Variants in NLRC3 observed in about 807,000 individuals in gnomAD.
The protein encoded by NLRC3 is NLR family CARD domain containing 3, also known as NLR family CARD domain-containing protein 3.
In NLRC3, 87 loss-of-function variants were observed where a neutral mutation model predicts 91.6. The ratio of observed to expected loss-of-function variants is 0.95; its 90% CI spans 0.80 to 1.14. The LOEUF (loss-of-function observed/expected upper bound fraction) is 1.14, where lower values mean the gene tolerates loss of function less well. Ranked by LOEUF, NLRC3 falls within the 50% of genes most tolerant of loss-of-function variation. The probability of loss-of-function intolerance (pLI) is 0.00; values close to 1 mark genes in which losing one functional copy is unlikely to be tolerated. For missense variants in NLRC3, 1,577 were observed against 1,418.6 expected, an observed-to-expected ratio of 1.11 and a Z score of -1.79; for synonymous variants, 694 against 625.3, an observed-to-expected ratio of 1.11 and a Z score of -1.64.
At chr16:3,555,295 T>C (rs897184826) in intron 8 of NLRC3, among the ~76,000 whole-genome samples, 2 of 150,698 alleles carry the variant, frequency 1.3e-5, no homozygotes, top group African/African-American at 4.9e-5. Flanking sequence ...ACCACACGGA[T>C]GAAGCTTAAA....
intron 1 of NLRC3, among the ~76,000 whole-genome samples, chr16:3,576,217 G>C (rs553655789): frequency 6.6e-6 from 1 of 152,316 alleles, no homozygotes; most frequent in East Asian, 1.9e-4. Flanking sequence ...GGCCATAGGG[G>C]AAGACCCTGC....
intron 6 of NLRC3, among the ~76,000 whole-genome samples, chr16:3,560,559 C>A (rs180800616): frequency 6.6e-6 from 1 of 152,212 alleles, no homozygotes; most frequent in Non-Finnish European, 1.5e-5. Flanking sequence ...TTTCTCAGAT[C>A]CAGGAATGTT....
At chr16:3,542,966 G>A in intron 17 of NLRC3, 191 bp from the exon 18 acceptor site, 2 of 577,634 alleles carry the variant, frequency 3.5e-6, no homozygotes, top group Non-Finnish European at 6.2e-6. Context: ...GCACACAGGG[G>A]CATGGCTGGC....
Position 3,539,327 on chromosome 16 carries a change from T to C in NLRC3, c.*2498A>G, listed in dbSNP as rs2038309815. On this transcript the variant is annotated 3_prime_UTR_variant, in exon 20 of 20. Transcript: ENST00000359128. ...GTCTACCTCCTACCTAGAAGTCCTT[T>C]CTATGTGGATATGAATTAAATTCTC... 6.6e-6 allele frequency: 1 copy of C among 152,230 alleles called. No homozygotes were observed. The highest frequency in any genetic ancestry group is 1.5e-5 in the Non-Finnish European group (1 of 68,034). The allele number at this position is 152,230 out of a possible 1,614,324, so 9.4% of individuals were successfully genotyped here. A position where few individuals can be genotyped will look rare whatever the true frequency, so the allele number is the denominator to read the frequency against.
chr16:3,553,804 C>T (rs1368779305), intron 9 of NLRC3, among the ~76,000 whole-genome samples: 2 of 151,100 alleles, frequency 1.3e-5, no homozygotes, highest in African/African-American at 2.4e-5. Context: ...TGCAATGGCA[C>T]GATCTCAGCT....
At chr16:3,567,045 G>A (rs1022644268) in intron 2 of NLRC3, among the ~76,000 whole-genome samples, 198 bp downstream of exon 2, 2 of 152,164 alleles carry the variant, frequency 1.3e-5, no homozygotes, top group African/African-American at 4.8e-5. Context: ...GAGCTCCTGG[G>A]CTCCCAGCAG....
intron 5 of NLRC3, 130 bp from the exon 6 acceptor site, chr16:3,561,918 C>A (rs1015664912): frequency 3.0e-6 from 2 of 669,504 alleles, no homozygotes; most frequent in Middle Eastern, 3.9e-4. Context: ...CTGCGCTCAG[C>A]CCCAGTGCTC....
chr16:3,541,593 C>G lies in NLRC3; in HGVS notation c.*232G>C. On this transcript the variant is annotated 3_prime_UTR_variant, in exon 20 of 20. Coordinates refer to ENST00000359128, the MANE Select transcript of NLRC3 (RefSeq NM_178844.4). Reference sequence around the variant, plus strand: ...CTAGTCCCTTGGGGGTGGCCCCTCCCTTCTCTGTGCCATAACAGAGTACCC... The same window carrying G: ...CTAGTCCCTTGGGGGTGGCCCCTCCGTTCTCTGTGCCATAACAGAGTACCC... 3 of 551,648 alleles carry G rather than the reference C, an allele frequency of 5.4e-6. No individual in the cohort carries two copies. The highest frequency in any genetic ancestry group is 9.7e-6 in the Non-Finnish European group (3 of 308,890). 34.2% of individuals were successfully genotyped at this position (551,648 alleles called of 1,614,324 possible). A position where few individuals can be genotyped will look rare whatever the true frequency, so the allele number is the denominator to read the frequency against.
At chr16:3,562,964 T>C (rs1490188509) in intron 5 of NLRC3, 45 bp downstream of exon 5, 2 of 1,511,468 alleles carry the variant, frequency 1.3e-6, no homozygotes, top group Non-Finnish European at 1.8e-6. Flanking sequence ...TTCTGCTCTC[T>C]CCTCTGCCCC....
chr16:3,574,814 T>C (rs1461354015), intron 1 of NLRC3, among the ~76,000 whole-genome samples: 1 of 151,912 alleles, frequency 6.6e-6, no homozygotes, highest in East Asian at 1.9e-4. Flanking sequence ...ATACAAACAT[T>C]AGCTGGGCGT....
In NLRC3 at chr16:3,554,195, G is replaced by C. The variant is rs143102514; in HGVS notation, c.2267+47C>G. 1,277 of 1,401,574 alleles carry C rather than the reference G, an allele frequency of 9.1e-4. 7 individuals are homozygous for C. The African/African-American group carries it at 0.016, about 17-fold the overall frequency. The allele number at this position is 1,401,574 out of a possible 1,614,324, so 86.8% of individuals were successfully genotyped here. A position where few individuals can be genotyped will look rare whatever the true frequency, so the allele number is the denominator to read the frequency against. On this transcript the variant is annotated intron_variant, in intron 9 of 19. Transcript: ENST00000359128. Reference sequence around the variant, plus strand: ...AATAGGCAGAGAGGCCCTTGGAGGAGGAGGGAGAAGGGAGAGAAGGGGGAG... The same window carrying C: ...AATAGGCAGAGAGGCCCTTGGAGGACGAGGGAGAAGGGAGAGAAGGGGGAG...
At chr16:3,542,366 A>G in intron 18 of NLRC3, 92 bp from the exon 19 acceptor site, 1 of 810,452 alleles carries the variant, frequency 1.2e-6, no homozygotes, top group Non-Finnish European at 2.1e-6. Context: ...GGGGGCAGTA[A>G]CCCAGGCAGA....
In NLRC3 at chr16:3,557,607, A is replaced by T. The variant is rs1302333163; in HGVS notation, c.2085T>A (p.Ser695Arg). The T allele has an allele frequency of 1.2e-6, 2 of 1,611,830 alleles. No individual in the cohort carries two copies. Among genetic ancestry groups the T allele is most frequent in the South Asian group, 2.2e-5 (2 of 90,954 alleles). Residue 695 changes from serine to arginine, a missense_variant, in exon 7 of 20, where the codon AGT becomes AGA. By Grantham distance (110) the Ser-to-Arg change is moderately radical. Coordinates refer to ENST00000359128, the MANE Select transcript of NLRC3 (RefSeq NM_178844.4). ...ALARSLLVNR[S>R]LTSLDLRGNS... The stretch of plus-strand genomic sequence containing the variant: ...TCCTTACTTACTCCAGAGAGGTCAG[A>T]CTTCTGTTGACCAAGAGGGATCTGG...
At chr16:3,557,079 C>A (rs945225772) in intron 7 of NLRC3, 85 bp from the exon 8 acceptor site, 3 of 918,704 alleles carry the variant, frequency 3.3e-6, no homozygotes, top group Non-Finnish European at 5.3e-6. Context: ...CCTTGAAATT[C>A]GTGATCCTCT....
In NLRC3 at chr16:3,563,291, A is replaced by G. The variant is rs376377266; in HGVS notation, c.1646T>C (p.Leu549Pro). The stretch of plus-strand genomic sequence containing the variant: ...ATCGGGGCGCAGGCAGCCCTGCAGG[A>G]GCTCAGCCACCTGGGTCCGGTAGGC... Reference protein sequence around the residue: ...HQAYRTQVAELLQGCLRPDAA... With the variant: ...HQAYRTQVAEPLQGCLRPDAA... Residue 549 changes from leucine to proline, a missense_variant, in exon 5 of 20, where the codon CTC (leucine) becomes CCC (proline). Coordinates refer to ENST00000359128, the MANE Select transcript of NLRC3 (RefSeq NM_178844.4). The G allele has an allele frequency of 5.0e-6, 8 of 1,603,062 alleles. No individual in the cohort carries two copies. Among genetic ancestry groups the G allele is most frequent in the Non-Finnish European group, 6.8e-6 (8 of 1,175,776 alleles).
Position 3,564,563 on chromosome 16 carries a change from T to G in NLRC3, c.374A>C (p.Asp125Ala). ...GGHPARTVALDRLFLPLSRVS... is the reference protein window; with the variant it reads ...GGHPARTVALARLFLPLSRVS... ...CCGGGAGAGAGGCAGGAAGAGCCGG[T>G]CCAGGGCGACGGTCCTGGCGGGGTG... The change falls in exon 5 of 20, where the codon GAC becomes GCC. Residue 125 changes from aspartate to alanine, a missense_variant. Asp to Ala is a moderately radical substitution (Grantham distance 126). Coordinates refer to ENST00000359128, the MANE Select transcript of NLRC3 (RefSeq NM_178844.4). This position sits in a 1 kb window ranked among gnomAD's most constrained non-coding sequence, Gnocchi z 5.9. The G allele has an allele frequency of 6.2e-7, 1 of 1,611,854 alleles. No homozygotes were observed. The highest frequency in any genetic ancestry group is 1.1e-5 in the South Asian group (1 of 91,024).
intron 1 of NLRC3, among the ~76,000 whole-genome samples, chr16:3,569,546 G>A (rs1439623205): frequency 6.6e-6 from 1 of 150,710 alleles, no homozygotes; most frequent in East Asian, 2.0e-4. Flanking sequence ...TTACAGGCAC[G>A]CACCACCATG....
At chr16:3,550,214 A>G (rs2038920916) in intron 11 of NLRC3, among the ~76,000 whole-genome samples, 200 bp downstream of exon 11, 1 of 152,030 alleles carries the variant, frequency 6.6e-6, no homozygotes, top group Admixed American at 6.6e-5. Flanking sequence ...CATCATTCCA[A>G]ACACTCCAGA....
rs1453936193 is a variant in NLRC3 at position 3,543,968 on chromosome 16, A to G, written c.2855+278T>C. The G allele has an allele frequency of 9.8e-6, 4 of 409,482 alleles. No individual in the cohort carries two copies. In the Admixed American group the frequency reaches 1.2e-4, roughly 12 times the overall value. 25.4% of individuals were successfully genotyped at this position (409,482 alleles called of 1,614,324 possible). On this transcript the variant is annotated intron_variant, in intron 16 of 19. Coordinates refer to ENST00000359128, the MANE Select transcript of NLRC3 (RefSeq NM_178844.4). ...CAGGAGTTTGAGACCAGCCTGGCCA[A>G]TATGGTGAAACCCCGTCTCTACTAA... is the stretch of plus-strand genomic sequence containing the variant.
Sources: gnomAD v4.1 joint callset for allele counts (sites outside exome capture counted in the v4.1 genomes callset) on GRCh38, gnomAD v4.1.1 for gene constraint, Gnocchi (gnomAD v3.1) non-coding constraint, MANE v1.5 for transcripts, NCBI Gene and HGNC (gene_info 2026-07-23, HGNC 2026-07-21) for gene names.